Variants in DOK5 observed in about 807,000 individuals in gnomAD.
The protein encoded by DOK5 is docking protein 5, also known as downstream of tyrosine kinase 5.
In DOK5, 27 loss-of-function variants were observed where a neutral mutation model predicts 43.3. The ratio of observed to expected loss-of-function variants is 0.62; its 90% CI spans 0.46 to 0.86. DOK5 has a LOEUF of 0.86. Among genes scored for constraint, DOK5 ranks in the 40% least tolerant of loss-of-function variants. The pLI, the probability that DOK5 is intolerant of heterozygous loss-of-function variation, is 0.00. For missense variants in DOK5, 373 were observed against 392.9 expected (o/e 0.95, Z 0.43); for synonymous variants, 146 against 140.1 (o/e 1.04, Z -0.30).
chr20:54,512,766 C>T (rs57722500), intron 1 of DOK5, among the ~76,000 whole-genome samples: 3,942 of 152,284 alleles, frequency 0.026, 157 homozygotes, highest in African/African-American at 0.09. Context: ...TACATAGCTG[C>T]TGTAATGTGG....
intron 6 of DOK5, among the ~76,000 whole-genome samples, chr20:54,625,521 A>G (rs1459591288): frequency 5.3e-5 from 8 of 152,316 alleles, no homozygotes; most frequent in Admixed American, 3.3e-4. Flanking sequence ...TATGAGAAAT[A>G]TGTAGAATTG....
intron 6 of DOK5, among the ~76,000 whole-genome samples, chr20:54,639,479 C>G (rs186715404): frequency 8.1e-4 from 123 of 152,364 alleles, no homozygotes; most frequent in Middle Eastern, 3.4e-3. Context: ...AACCCACCCC[C>G]TGAATTTTCC....
intron 6 of DOK5, among the ~76,000 whole-genome samples, chr20:54,613,951 G>A (rs1010640746): frequency 2.0e-5 from 3 of 151,592 alleles, no homozygotes; most frequent in African/African-American, 7.3e-5. Context: ...CTAGGTTCCC[G>A]CCACTGCACT....
At chr20:54,486,305 A>G (rs1351814422) in intron 1 of DOK5, among the ~76,000 whole-genome samples, 2 of 151,458 alleles carry the variant, frequency 1.3e-5, no homozygotes, top group Non-Finnish European at 2.9e-5. Context: ...ATTGTTCTAT[A>G]TGCCTTATAT....
At chr20:54,547,244 G>T (rs1391976397) in intron 1 of DOK5, among the ~76,000 whole-genome samples, 1 of 152,044 alleles carries the variant, frequency 6.6e-6, no homozygotes, top group Non-Finnish European at 1.5e-5. Context: ...AGCGACCTGG[G>T]GGCTCTCAAA....
intron 3 of DOK5, 23 bp downstream of exon 3, chr20:54,588,620 G>T (rs748835483): frequency 1.1e-5 from 17 of 1,614,052 alleles, no homozygotes; most frequent in Non-Finnish European, 1.4e-5. Context: ...CAGGGCTGGG[G>T]GGCTTTTGCT....
At chr20:54,625,839 T>C (rs1277888255) in intron 6 of DOK5, among the ~76,000 whole-genome samples, 1 of 152,216 alleles carries the variant, frequency 6.6e-6, no homozygotes, top group African/African-American at 2.4e-5. Context: ...AAATGATTCA[T>C]TCATTTCTTC....
At chr20:54,610,340 C>A in intron 5 of DOK5, 48 bp from the exon 6 acceptor site, 1 of 1,448,676 alleles carries the variant, frequency 6.9e-7, no homozygotes. Context: ...GTGCATTGAA[C>A]TTCTAGGCGC....
At chr20:54,608,719 G>A (rs959177763) in intron 5 of DOK5, among the ~76,000 whole-genome samples, 3 of 149,242 alleles carry the variant, frequency 2.0e-5, no homozygotes, top group Non-Finnish European at 4.4e-5. Flanking sequence ...CACCCAGGCT[G>A]GAGTGCAGTC....
chr20:54,613,728 T>C (rs1158293894), intron 6 of DOK5, among the ~76,000 whole-genome samples: 1 of 152,178 alleles, frequency 6.6e-6, no homozygotes, highest in Non-Finnish European at 1.5e-5. Context: ...GTACGGTGGC[T>C]CACACCTGTA....
At chr20:54,496,765 CAAAAAAAAAAAAA>C (rs74179280) in intron 1 of DOK5, among the ~76,000 whole-genome samples, 1 of 59,508 alleles carries the variant, frequency 1.7e-5, no homozygotes, top group African/African-American at 5.0e-5. Context: ...GACTCCGTCT[CAAAAAAAAAAAAA>C]AAAAAAAAGA....
intron 1 of DOK5, among the ~76,000 whole-genome samples, chr20:54,494,135 T>C (rs1289178460): frequency 1.3e-5 from 2 of 152,184 alleles, no homozygotes; most frequent in African/African-American, 4.8e-5. Flanking sequence ...CTTTTTCCCT[T>C]ATATTAAATG....
At chr20:54,611,734 A>G (rs1275021730) in intron 6 of DOK5, among the ~76,000 whole-genome samples, 1 of 152,214 alleles carries the variant, frequency 6.6e-6, no homozygotes, top group African/African-American at 2.4e-5. Context: ...ATACAAAACA[A>G]AAAGGAATTG....
chr20:54,612,359 G>C (rs1418710950), intron 6 of DOK5, among the ~76,000 whole-genome samples: 2 of 152,074 alleles, frequency 1.3e-5, no homozygotes, highest in Non-Finnish European at 1.5e-5. Context: ...ATGCTGAGGA[G>C]GCCTGGAATG....
intron 2 of DOK5, among the ~76,000 whole-genome samples, chr20:54,588,013 TC>T (rs1449360987): frequency 6.6e-6 from 1 of 152,186 alleles, no homozygotes; most frequent in East Asian, 1.9e-4. Flanking sequence ...GGACCACTCT[TC>T]CTTCCCTTCC....
At chr20:54,494,570 A>G (rs1982315472) in intron 1 of DOK5, among the ~76,000 whole-genome samples, 1 of 152,190 alleles carries the variant, frequency 6.6e-6, no homozygotes, top group South Asian at 2.1e-4. Context: ...ACCTTTAGGC[A>G]AGGTAGCTTG....
chr20:54,610,243 C>T (rs55705559), intron 5 of DOK5, 145 bp from the exon 6 acceptor site: 59,116 of 860,598 alleles, frequency 0.069, 2,369 homozygotes, highest in Middle Eastern at 0.083. Context: ...TTGAACATTC[C>T]GATTCTAGTT....
intron 1 of DOK5, among the ~76,000 whole-genome samples, chr20:54,493,264 A>T (rs1982263246): frequency 6.6e-6 from 1 of 152,116 alleles, no homozygotes; most frequent in South Asian, 2.1e-4. Context: ...TGTGACCCAG[A>T]GCCTGCTGCG....
intron 6 of DOK5, among the ~76,000 whole-genome samples, chr20:54,621,877 CTCAT>C (rs1986984788): frequency 6.6e-6 from 1 of 151,896 alleles, no homozygotes; most frequent in African/African-American, 2.4e-5. Flanking sequence ...GCTGTACTTA[CTCAT>C]GAATTCTTTA....
Sources: gnomAD v4.1 joint callset for allele counts (sites outside exome capture counted in the v4.1 genomes callset) on GRCh38, gnomAD v4.1.1 for gene constraint, MANE v1.5 for transcripts, NCBI Gene and HGNC (gene_info 2026-07-23, HGNC 2026-07-21) for gene names.